The following ACACA variants were observed in gnomAD, a reference collection of about 807,000 sequenced individuals.
ACACA encodes acetyl-CoA carboxylase 1.
A neutral mutation model predicts 296.1 loss-of-function variants in ACACA; 103 were observed. The observed-to-expected ratio is 0.35, with a 90% CI of 0.30 to 0.41. The LOEUF is 0.41. Among genes scored for constraint, ACACA ranks in the 10% least tolerant of loss-of-function variants. ACACA has a pLI of 1.00. For missense variants in ACACA, 1,554 were observed against 2,989.7 expected, an observed-to-expected ratio of 0.52 and a Z score of 11.20; for synonymous variants, 953 against 1,038.6, an observed-to-expected ratio of 0.92 and a Z score of 1.58.
At chr17:37,114,132 A>G (rs1038447962) in intron 50 of ACACA, among the ~76,000 whole-genome samples, 1 of 151,710 alleles carries the variant, frequency 6.6e-6, no homozygotes, top group Non-Finnish European at 1.5e-5. Flanking sequence ...GCAGTGAGCC[A>G]TGATCTTGCC....
chr17:37,233,743 T>A (rs1316407423), intron 25 of ACACA, among the ~76,000 whole-genome samples: 1 of 152,146 alleles, frequency 6.6e-6, no homozygotes, highest in Non-Finnish European at 1.5e-5. Flanking sequence ...ACAAAAAAAA[T>A]TAGCAAGCTG....
intron 43 of ACACA, among the ~76,000 whole-genome samples, chr17:37,155,083 A>G (rs2076186033): frequency 1.3e-5 from 2 of 152,204 alleles, no homozygotes; most frequent in African/African-American, 2.4e-5. Context: ...AAATTAACCA[A>G]AAAGGGATGA....
intron 29 of ACACA, among the ~76,000 whole-genome samples, chr17:37,216,056 TA>T (rs1208151766): frequency 0.047 from 6,085 of 129,854 alleles, 205 homozygotes; most frequent in African/African-American, 0.1. Flanking sequence ...AATGACACAT[TA>T]AAAAAAAAAA....
Position 37,113,484 on chromosome 17 carries a change from C to T in ACACA, c.6275-219G>A, listed in dbSNP as rs1191853912. ...AGCAACAGAGAGATGCACTGTCTTTCACAAGATACAGTGTGTAAGTCTTCC... is the reference window on the plus strand; with the variant it reads ...AGCAACAGAGAGATGCACTGTCTTTTACAAGATACAGTGTGTAAGTCTTCC... On this transcript the variant is annotated intron_variant, in intron 50 of 55. Coordinates refer to ENST00000616317, the MANE Select transcript of ACACA (RefSeq NM_198834.3). The surrounding 1 kb of genome is among the most constrained non-coding windows in gnomAD (Gnocchi z 4.0). Among the ~76,000 whole-genome samples, 1 of 152,212 alleles carries T rather than the reference C, an allele frequency of 6.6e-6. No homozygotes were observed. Among genetic ancestry groups the T allele is most frequent in the East Asian group, 1.9e-4 (1 of 5,196 alleles).
intron 39 of ACACA, among the ~76,000 whole-genome samples, chr17:37,182,819 A>T (rs558668705): frequency 1.3e-5 from 2 of 152,326 alleles, no homozygotes; most frequent in South Asian, 4.1e-4. Context: ...GGTACAGTTC[A>T]TCTGTAAATC....
rs765371478 is a variant in ACACA, at chr17:37,330,355, C to A, written c.156G>T (p.Gln52His). The A allele has an allele frequency of 8.1e-6, 13 of 1,614,110 alleles. No homozygotes were observed. The Admixed American group carries it at 2.2e-4, about 27-fold the overall frequency. Residue 52 changes from glutamine (Q) to histidine (H), a missense_variant, in exon 3 of 56, where the codon CAG (glutamine) becomes CAT (histidine). Around this residue, in one of 16 missense-constraint regions of ACACA, gnomAD observed 140 missense variants for 147.7 expected, o/e 0.95. Coordinates refer to ENST00000616317, the MANE Select transcript of ACACA (RefSeq NM_198834.3). ...CAGAACCTATTATGAATCGAGAGTG[C>A]TGGTTCAGCTCCAGAGGTTGGGCCA... ...SPLAQPLELN[Q>H]HSRFIIGSVS... is the part of the protein sequence containing the mutation.
intron 50 of ACACA, among the ~76,000 whole-genome samples, chr17:37,117,573 T>G (rs985510329): frequency 6.6e-6 from 1 of 152,176 alleles, no homozygotes; most frequent in African/African-American, 2.4e-5. Flanking sequence ...CTCCCTGTTG[T>G]GGGTCATTGC....
chr17:37,314,814 T>C (rs2047010122), intron 3 of ACACA, among the ~76,000 whole-genome samples: 1 of 150,986 alleles, frequency 6.6e-6, no homozygotes, highest in East Asian at 2.0e-4. Flanking sequence ...GTAAGTTTTG[T>C]ATCTTTAGTA....
At chr17:37,279,644 T>C (rs1158182908) in intron 5 of ACACA, among the ~76,000 whole-genome samples, 1 of 129,614 alleles carries the variant, frequency 7.7e-6, no homozygotes, top group East Asian at 2.2e-4. Context: ...AGACTCCGTC[T>C]AAAAAAAAAA....
In ACACA at chr17:37,179,267, C is replaced by T. The variant is rs1217296948; in HGVS notation, c.5072G>A (p.Gly1691Glu). ...GGGGTTTCAACTACTTGCCTCATTT[C>T]CTCCTGGAAGCCTGTTCATGTGGAC... ...QLVHMNRLPG[G>E]NEIGMVAWKM... The change falls in exon 41 of 56, where the codon GGA (glycine) becomes GAA (glutamate). Residue 1691 changes from glycine (G) to glutamate (E), a missense_variant. By Grantham distance (98) the Gly-to-Glu change is moderately conservative (BLOSUM62 -2). Around this residue, in one of 16 missense-constraint regions of ACACA, gnomAD observed 553 missense variants for 1,043.6 expected, o/e 0.53. Coordinates refer to ENST00000616317, the MANE Select transcript of ACACA (RefSeq NM_198834.3). The T allele has an allele frequency of 3.1e-6, 5 of 1,614,128 alleles. No homozygotes were observed. The South Asian group carries it at 5.5e-5, about 18-fold the overall frequency.
At chr17:37,102,915 T>C (rs2073448563) in intron 52 of ACACA, among the ~76,000 whole-genome samples, 1 of 152,168 alleles carries the variant, frequency 6.6e-6, no homozygotes, top group Non-Finnish European at 1.5e-5. Context: ...AAGCCTACCT[T>C]GTTTGATTCC....
intron 41 of ACACA, among the ~76,000 whole-genome samples, chr17:37,165,275 T>C (rs1337096847): frequency 6.6e-6 from 1 of 152,134 alleles, no homozygotes; most frequent in Non-Finnish European, 1.5e-5. Flanking sequence ...TACATTAAAA[T>C]AATTTAGATT....
intron 1 of ACACA, among the ~76,000 whole-genome samples, chr17:37,340,536 T>C (rs1425755682): frequency 1.3e-5 from 2 of 152,134 alleles, no homozygotes; most frequent in Non-Finnish European, 2.9e-5. Flanking sequence ...CACAGTTAAT[T>C]GACACTGATG....
chr17:37,388,790 G>A, intron 1 of ACACA: 1 of 1,613,188 alleles, frequency 6.2e-7, no homozygotes, highest in Non-Finnish European at 8.5e-7. Flanking sequence ...GAAGTCCCAT[G>A]TCCTGTAAGT....
intron 45 of ACACA, among the ~76,000 whole-genome samples, chr17:37,147,498 C>T (rs2075862272): frequency 6.6e-6 from 1 of 152,162 alleles, no homozygotes; most frequent in African/African-American, 2.4e-5. Flanking sequence ...AAAGACAACA[C>T]ACAGAAGGAG....
intron 1 of ACACA, chr17:37,386,169 G>T: frequency 1.6e-6 from 2 of 1,250,272 alleles, no homozygotes; most frequent in South Asian, 1.4e-5. Context: ...GAATAAGTAG[G>T]AGTAAAATGG....
At chr17:37,274,434 A>C (rs2082191648) in intron 8 of ACACA, 135 bp from the exon 9 acceptor site, 2 of 1,032,446 alleles carry the variant, frequency 1.9e-6, no homozygotes, top group East Asian at 5.2e-5. Flanking sequence ...ATGCCATAAA[A>C]CCCTGATCAG....
intron 1 of ACACA, among the ~76,000 whole-genome samples, chr17:37,343,752 A>G (rs1355929455): frequency 6.7e-6 from 1 of 148,252 alleles, no homozygotes; most frequent in Non-Finnish European, 1.5e-5. Flanking sequence ...TGACAGAGTG[A>G]GACTCTGTCT....
intron 3 of ACACA, among the ~76,000 whole-genome samples, chr17:37,286,840 C>T (rs1013406319): frequency 1.3e-5 from 2 of 152,192 alleles, no homozygotes; most frequent in African/African-American, 4.8e-5. Flanking sequence ...AGGAGACCTC[C>T]ACCAAGCTCC....
Sources: gnomAD v4.1 joint callset for allele counts (sites outside exome capture counted in the v4.1 genomes callset) on GRCh38, gnomAD v4.1.1 for gene constraint, gnomAD v4.1.1 regional missense constraint, Gnocchi (gnomAD v3.1) non-coding constraint, MANE v1.5 for transcripts, NCBI Gene and HGNC (gene_info 2026-07-23, HGNC 2026-07-21) for gene names.